Variants in EIF2B3 observed in about 807,000 individuals in gnomAD.
EIF2B3 encodes the protein translation initiation factor eIF2B subunit gamma.
Under a neutral mutation model 54.1 loss-of-function variants are expected in EIF2B3, and 20 were observed. That is an observed-to-expected ratio of 0.37 (90% CI 0.26 to 0.54). The LOEUF is 0.54. Among genes scored for constraint, EIF2B3 ranks in the 20% least tolerant of loss-of-function variants. EIF2B3 has a pLI of 0.86. For synonymous variants in EIF2B3, 153 were observed against 188.1 expected (o/e 0.81, Z 1.52); for missense variants, 448 against 547.8 (o/e 0.82, Z 1.82).
intron 3 of EIF2B3, among the ~76,000 whole-genome samples, chr1:44,973,071 G>A (rs750749979): frequency 3.9e-5 from 6 of 152,142 alleles, no homozygotes; most frequent in Non-Finnish European, 5.9e-5. Context: ...AAGAGAGAAA[G>A]AGGTTGGAGC....
intron 4 of EIF2B3, among the ~76,000 whole-genome samples, chr1:44,928,272 C>T (rs1195878841): frequency 6.6e-6 from 1 of 152,024 alleles, no homozygotes; most frequent in South Asian, 2.1e-4. Flanking sequence ...TGGTGAAACT[C>T]GTCTCTACTA....
intron 10 of EIF2B3, chr1:44,874,423 T>G (rs1242163077): frequency 2.0e-6 from 1 of 495,016 alleles, no homozygotes; most frequent in Non-Finnish European, 3.6e-6. Context: ...TCCCATGGAT[T>G]CTTTTTGCCC....
At chr1:44,983,070 G>A (rs371380527) in intron 1 of EIF2B3, among the ~76,000 whole-genome samples, 7 of 151,958 alleles carry the variant, frequency 4.6e-5, no homozygotes, top group African/African-American at 1.4e-4. Context: ...GCACCTGGCC[G>A]CCTGGCTAAT....
intron 4 of EIF2B3, among the ~76,000 whole-genome samples, chr1:44,933,273 T>C (rs914331248): frequency 1.3e-5 from 2 of 152,204 alleles, no homozygotes; most frequent in Non-Finnish European, 2.9e-5. Flanking sequence ...ACAGTCATGA[T>C]AATATAAACA....
intron 5 of EIF2B3, among the ~76,000 whole-genome samples, chr1:44,912,965 T>C (rs1469651048): frequency 1.3e-5 from 2 of 152,152 alleles, no homozygotes; most frequent in Non-Finnish European, 2.9e-5. Context: ...CCTAACTAGA[T>C]ACATTGAACA....
chr1:44,970,822 G>A (rs1217508472), intron 3 of EIF2B3, among the ~76,000 whole-genome samples: 1 of 152,150 alleles, frequency 6.6e-6, no homozygotes, highest in African/African-American at 2.4e-5. Context: ...TAGCCTTGTT[G>A]CCTTCTACTC....
chr1:44,972,005 C>T (rs551530808), intron 3 of EIF2B3, among the ~76,000 whole-genome samples: 1 of 152,152 alleles, frequency 6.6e-6, no homozygotes, highest in East Asian at 1.9e-4. Context: ...GCACTCCAGC[C>T]TGGGCAACAG....
chr1:44,929,572 A>G (rs1643879481), intron 4 of EIF2B3, among the ~76,000 whole-genome samples: 1 of 152,254 alleles, frequency 6.6e-6, no homozygotes, highest in Non-Finnish European at 1.5e-5. Flanking sequence ...TTCAAATGCC[A>G]CATAGCAGCT....
chr1:44,859,458 G>A (rs1654541762), intron 10 of EIF2B3, among the ~76,000 whole-genome samples: 1 of 151,968 alleles, frequency 6.6e-6, no homozygotes, highest in Non-Finnish European at 1.5e-5. Flanking sequence ...GGAGTTTGAG[G>A]CCAGCCATGG....
At chr1:44,859,427 C>T (rs1336929835) in intron 10 of EIF2B3, among the ~76,000 whole-genome samples, 3 of 152,108 alleles carry the variant, frequency 2.0e-5, no homozygotes, top group African/African-American at 4.8e-5. Flanking sequence ...GAGGCCAAGG[C>T]AGGTGGATCA....
chr1:44,959,373 C>A (rs554553292), intron 3 of EIF2B3: 30 of 548,728 alleles, frequency 5.5e-5, no homozygotes, highest in African/African-American at 5.1e-4. Flanking sequence ...TCTAGCAGGG[C>A]CTTCAAAGTA....
intron 3 of EIF2B3, among the ~76,000 whole-genome samples, chr1:44,953,164 A>AC (rs1412247642): frequency 5.9e-5 from 9 of 151,824 alleles, no homozygotes; most frequent in African/African-American, 1.7e-4. Context: ...AAAAAAAAAA[A>AC]AAACCAGAAA....
intron 4 of EIF2B3, among the ~76,000 whole-genome samples, chr1:44,934,999 G>A (rs1643932602): frequency 6.6e-6 from 1 of 152,202 alleles, no homozygotes; most frequent in Admixed American, 6.5e-5. Flanking sequence ...CCGATTAAGA[G>A]GTGACAGCCA....
intron 6 of EIF2B3, among the ~76,000 whole-genome samples, chr1:44,897,074 G>A (rs2148914388): frequency 6.6e-6 from 1 of 152,306 alleles, no homozygotes; most frequent in South Asian, 2.1e-4. Context: ...CTGGAACTGG[G>A]CAGAAAGAGG....
intron 5 of EIF2B3, among the ~76,000 whole-genome samples, chr1:44,919,349 CA>C (rs35094486): frequency 0.18 from 22,830 of 126,136 alleles, 1,789 homozygotes; most frequent in Non-Finnish European, 0.2. Context: ...GACTCCCTCT[CA>C]AAAAAAAAAA....
rs141812674 is a variant in EIF2B3 at position 44,948,435 on chromosome 1, C to G, written c.295-6770G>C. On this transcript the variant is annotated intron_variant, in intron 3 of 11. Transcript: ENST00000360403. Reference sequence around the variant, plus strand: ...TCTCTTGCTCCAGTTTTCCCTTATTCTAATCCATACTCTAATTTCTACTGC... The same window carrying G: ...TCTCTTGCTCCAGTTTTCCCTTATTGTAATCCATACTCTAATTTCTACTGC... Among the ~76,000 whole-genome samples, 105 of 152,164 alleles carry G rather than the reference C, an allele frequency of 6.9e-4. 1 individual carries two copies. In the East Asian group the frequency reaches 0.02, roughly 28 times the overall value.
intron 5 of EIF2B3, among the ~76,000 whole-genome samples, chr1:44,898,703 G>A (rs1464532751): frequency 6.6e-6 from 1 of 152,060 alleles, no homozygotes; most frequent in African/African-American, 2.4e-5. Flanking sequence ...TTAGAGACAG[G>A]GTCTTGCTCT....
At chr1:44,966,834 T>C (rs1313961538) in intron 3 of EIF2B3, among the ~76,000 whole-genome samples, 1 of 152,054 alleles carries the variant, frequency 6.6e-6, no homozygotes, top group African/African-American at 2.4e-5. Flanking sequence ...AATATTTCTG[T>C]TTTTTTGAGA....
In EIF2B3 at chr1:44,933,147, G is replaced by A. The variant is rs951276244; in HGVS notation, c.455-6408C>T. Among the ~76,000 whole-genome samples the A allele has an allele frequency of 6.6e-5, 10 of 152,162 alleles. No homozygotes were observed. In the East Asian group the frequency reaches 1.7e-3, roughly 26 times the overall value. ...CACAATTGGAGCTTGGGTTGAATTA[G>A]TGACAAATACATAAAAAACAAGCAA... On this transcript the variant is annotated intron_variant, in intron 4 of 11. Transcript: ENST00000360403.
Sources: allele counts gnomAD v4.1 joint callset (sites outside exome capture counted in the v4.1 genomes callset), GRCh38; gene constraint gnomAD v4.1.1; transcripts MANE v1.5; gene names NCBI Gene and HGNC (gene_info 2026-07-23, HGNC 2026-07-21).